Variants in ODAD2 observed in about 807,000 individuals in gnomAD.
ODAD2 encodes outer dynein arm-docking complex subunit 2.
In ODAD2, 89 loss-of-function variants were observed where a neutral mutation model predicts 106.8. The ratio of observed to expected loss-of-function variants is 0.83; its 90% CI spans 0.70 to 0.99. ODAD2 has a LOEUF of 0.99. Ranked by LOEUF, ODAD2 falls within the 50% of genes least tolerant of loss-of-function variation. The pLI is 0.00. For missense variants in ODAD2, 1,168 were observed against 1,238.5 expected (o/e 0.94, Z 0.85); for synonymous variants, 404 against 436.2 (o/e 0.93, Z 0.92).
intron 17 of ODAD2, among the ~76,000 whole-genome samples, chr10:27,905,374 A>C (rs1027272846): frequency 6.6e-6 from 1 of 152,212 alleles, no homozygotes; most frequent in African/African-American, 2.4e-5. Context: ...AGAGGACACA[A>C]ACAAATGGAA....
intron 14 of ODAD2, among the ~76,000 whole-genome samples, chr10:27,937,799 A>G (rs2134111390): frequency 6.6e-6 from 1 of 152,308 alleles, no homozygotes; most frequent in African/African-American, 2.4e-5. Context: ...ATTCTGGATT[A>G]CAGGCACCTT....
chr10:27,904,581 T>C (rs1843450610), intron 17 of ODAD2, among the ~76,000 whole-genome samples: 1 of 152,258 alleles, frequency 6.6e-6, no homozygotes, highest in African/African-American at 2.4e-5. Flanking sequence ...TACTTAGGTC[T>C]ATTCTGTACT....
intron 19 of ODAD2, among the ~76,000 whole-genome samples, chr10:27,842,116 A>G (rs966964297): frequency 1.3e-5 from 2 of 152,108 alleles, no homozygotes; most frequent in Admixed American, 6.5e-5. Context: ...CCTGTATAAA[A>G]TGGGTTGTCC....
Position 27,944,224 on chromosome 10 carries a change from G to A in ODAD2, c.1741C>T (p.Leu581=), listed in dbSNP as rs771734880. The part of the protein sequence containing the change: ...VVRQHGGITK[L]VALLDCAHDS... ...ATGACAACATCACGGCTACTCACCAGTTTGGTGATACCCCCGTGCTGCCTC... is the reference window on the plus strand; with the variant it reads ...ATGACAACATCACGGCTACTCACCAATTTGGTGATACCCCCGTGCTGCCTC... The change falls in exon 12 of 20, where the codon CTG becomes TTG. Residue 581 remains leucine, a splice_region_variant and synonymous_variant. Transcript: ENST00000305242. 6.2e-7 allele frequency: 1 copy of A among 1,611,130 alleles called. No homozygotes were observed. Among genetic ancestry groups the A allele is most frequent in the Non-Finnish European group, 8.5e-7 (1 of 1,179,258 alleles).
intron 19 of ODAD2, among the ~76,000 whole-genome samples, chr10:27,828,731 G>C (rs143608110): frequency 6.6e-6 from 1 of 151,920 alleles, no homozygotes; most frequent in Non-Finnish European, 1.5e-5. Context: ...TTTTGTTTTG[G>C]TTTATAACTT....
In ODAD2 at chr10:27,936,647, TACTAGAATGGCA is replaced by T. The variant is rs1845994287; in HGVS notation, c.2252+67_2252+78del. On this transcript the variant is annotated intron_variant, in intron 15 of 19. Transcript: ENST00000305242. Reference sequence around the variant, plus strand: ...ACAACTAACATTAGAATTGACTCCTTACTAGAATGGCATTAAATGACAAGAAGGTGTTTCAGA... The same window carrying T: ...ACAACTAACATTAGAATTGACTCCTTTTAAATGACAAGAAGGTGTTTCAGA... 2.1e-5 allele frequency: 31 copies of T among 1,478,568 alleles called. 2 individuals are homozygous for T. The South Asian group carries it at 3.5e-4, about 17-fold the overall frequency. The allele number at this position is 1,478,568 out of a possible 1,614,324, so 91.6% of individuals were successfully genotyped here.
intron 10 of ODAD2, among the ~76,000 whole-genome samples, chr10:27,950,825 A>G (rs1847279910): frequency 6.6e-6 from 1 of 152,202 alleles, no homozygotes; most frequent in Non-Finnish European, 1.5e-5. Flanking sequence ...TAGTCATTGC[A>G]ATGCAGAAAA....
chr10:27,934,919 C>T, intron 16 of ODAD2, 91 bp downstream of exon 16: 1 of 1,452,014 alleles, frequency 6.9e-7, no homozygotes, highest in Non-Finnish European at 9.5e-7. Context: ...CATTCGTGCA[C>T]ATCAATTCTA....
chr10:27,950,556 T>C (rs1414344549), intron 10 of ODAD2, among the ~76,000 whole-genome samples: 2 of 152,126 alleles, frequency 1.3e-5, no homozygotes, highest in Non-Finnish European at 2.9e-5. Flanking sequence ...GTAAGGACAA[T>C]ACAAGGATGC....
intron 19 of ODAD2, among the ~76,000 whole-genome samples, chr10:27,845,877 C>A (rs887881492): frequency 6.6e-6 from 1 of 152,172 alleles, no homozygotes; most frequent in East Asian, 1.9e-4. Context: ...AGCTAACTAT[C>A]CTAAATATAT....
rs571724340 is a variant in ODAD2, at chr10:27,842,010, G to A, written c.3021+18615C>T. On this transcript the variant is annotated intron_variant, in intron 19 of 19. Coordinates refer to ENST00000305242, the MANE Select transcript of ODAD2 (RefSeq NM_018076.5). ...TTAGGCACATTCCTACCCTATGGCC[G>A]CTGAACAAACACTTTCCCTCTGGCT... Among the ~76,000 whole-genome samples the A allele has an allele frequency of 4.1e-4, 63 of 152,204 alleles. No homozygotes were observed. The South Asian group carries it at 0.012, about 30-fold the overall frequency.
chr10:27,902,889 T>A (rs1843311618), intron 17 of ODAD2, among the ~76,000 whole-genome samples: 1 of 152,130 alleles, frequency 6.6e-6, no homozygotes, highest in East Asian at 1.9e-4. Context: ...GCTGGGACCA[T>A]TCCTTCTGAA....
intron 2 of ODAD2, among the ~76,000 whole-genome samples, chr10:27,994,124 T>C (rs1013531024): frequency 6.6e-6 from 1 of 152,046 alleles, no homozygotes; most frequent in Non-Finnish European, 1.5e-5. Flanking sequence ...TATATATATT[T>C]TAGCCATGTT....
chr10:27,866,339 G>C (rs1268399317), intron 17 of ODAD2, among the ~76,000 whole-genome samples: 1 of 152,130 alleles, frequency 6.6e-6, no homozygotes, highest in East Asian at 1.9e-4. Context: ...TCTGACCCCA[G>C]AGCCCCCTCA....
At chr10:27,848,073 T>G (rs960205485) in intron 19 of ODAD2, among the ~76,000 whole-genome samples, 8 of 152,148 alleles carry the variant, frequency 5.3e-5, no homozygotes, top group African/African-American at 1.7e-4. Flanking sequence ...AAAAACTACT[T>G]TAAAGTTCAT....
intron 17 of ODAD2, among the ~76,000 whole-genome samples, chr10:27,891,053 T>C (rs1035391867): frequency 2.0e-5 from 3 of 152,172 alleles, no homozygotes; most frequent in Non-Finnish European, 4.4e-5. Flanking sequence ...AGCATGAAAC[T>C]AAACCCCTCC....
At chr10:27,913,200 G>C (rs536241104) in intron 16 of ODAD2, among the ~76,000 whole-genome samples, 1 of 151,998 alleles carries the variant, frequency 6.6e-6, no homozygotes, top group South Asian at 2.1e-4. Context: ...CGTGTCGCGG[G>C]GGTTTGGTGT....
chr10:27,994,216 GGAC>G (rs1375506053), intron 2 of ODAD2, among the ~76,000 whole-genome samples: 4 of 151,686 alleles, frequency 2.6e-5, no homozygotes, highest in Non-Finnish European at 5.9e-5. Flanking sequence ...TCTAATCTGA[GGAC>G]ACCAGTAATT....
At chr10:27,967,500 G>A (rs1448527372) in intron 9 of ODAD2, among the ~76,000 whole-genome samples, 1 of 152,264 alleles carries the variant, frequency 6.6e-6, no homozygotes, top group South Asian at 2.1e-4. Flanking sequence ...CATCAGTGAA[G>A]GCCTATGGGA....
Sources: gnomAD v4.1 joint callset for allele counts (sites outside exome capture counted in the v4.1 genomes callset) on GRCh38, gnomAD v4.1.1 for gene constraint, MANE v1.5 for transcripts, NCBI Gene and HGNC (gene_info 2026-07-23, HGNC 2026-07-21) for gene names.